CFAP45: variants seen among roughly 807,000 people sequenced by gnomAD.
CFAP45 encodes cilia and flagella associated protein 45, also known as cilia- and flagella-associated protein 45.
CFAP45 carries 43 observed loss-of-function variants against 75.6 expected under a neutral mutation model. The ratio of observed to expected loss-of-function variants is 0.57; its 90% confidence interval spans 0.45 to 0.73. CFAP45 has a LOEUF of 0.73. Among genes scored for constraint, CFAP45 ranks in the 30% least tolerant of loss-of-function variants. The pLI is 0.00. For synonymous variants in CFAP45, 223 were observed against 244.6 expected, an observed-to-expected ratio of 0.91 and a Z score of 0.82; for missense variants, 689 against 701.5, an observed-to-expected ratio of 0.98 and a Z score of 0.20.
At position 159,893,250 on chromosome 1, in the gene CFAP45, C is replaced by T. The variant is rs778554723; in HGVS notation, c.59G>A (p.Arg20Lys). The part of the protein sequence containing the change: ...SSSSAASNRS[R>K]NKARYRTKAV... ...TTTGGTCCGATAGCGAGCCTTATTCCTTGACCTGTTGGAAGCGGCAGAAGA... is the reference window on the plus strand; with the variant it reads ...TTTGGTCCGATAGCGAGCCTTATTCTTTGACCTGTTGGAAGCGGCAGAAGA... Residue 20 changes from arginine (R) to lysine (K), a missense_variant, in exon 2 of 12, where the codon AGG (arginine) becomes AAG (lysine). Coordinates refer to ENST00000368099, the MANE Select transcript of CFAP45 (RefSeq NM_012337.3). The T allele has an allele frequency of 4.6e-5, 75 of 1,613,880 alleles. No individual in the cohort carries two copies. The highest frequency in any genetic ancestry group is 6.0e-5 in the Non-Finnish European group (71 of 1,179,984).
Position 159,900,140 on chromosome 1 carries a change from C to T in CFAP45, c.-42G>A, listed in dbSNP as rs757777013. 3.7e-6 allele frequency: 6 copies of T among 1,613,908 alleles called. No homozygotes were observed. The African/African-American group carries it at 6.7e-5, about 18-fold the overall frequency. Reference sequence around the variant, plus strand: ...CCTGACTCCGGACTTCTGCTGCCGCCTCGGCGCCGCCAAGGCCCTAGTGTT... The same window carrying T: ...CCTGACTCCGGACTTCTGCTGCCGCTTCGGCGCCGCCAAGGCCCTAGTGTT... On this transcript the variant is annotated 5_prime_UTR_variant, in exon 1 of 12. Transcript: ENST00000368099.
At chr1:159,887,205 G>A (rs1481439401) in intron 5 of CFAP45, among the ~76,000 whole-genome samples, 2 of 152,086 alleles carry the variant, frequency 1.3e-5, no homozygotes, top group Non-Finnish European at 2.9e-5. Flanking sequence ...GAAAAACCAC[G>A]GGCCCATGAA....
intron 2 of CFAP45, among the ~76,000 whole-genome samples, chr1:159,892,961 CA>C (rs1649862349): frequency 6.6e-6 from 1 of 152,168 alleles, no homozygotes; most frequent in Non-Finnish European, 1.5e-5. Context: ...ACTGTGAAGA[CA>C]TGAGAGATTC....
chr1:159,894,532 G>A (rs866676434), intron 1 of CFAP45, among the ~76,000 whole-genome samples: 3 of 152,332 alleles, frequency 2.0e-5, no homozygotes, highest in South Asian at 2.1e-4. Context: ...GAGGCAGTGG[G>A]TGAATGATAA....
At chr1:159,899,808 C>T (rs916964277) in intron 1 of CFAP45, among the ~76,000 whole-genome samples, 3 of 152,178 alleles carry the variant, frequency 2.0e-5, no homozygotes, top group Admixed American at 6.5e-5. Flanking sequence ...ATCTTTGGTC[C>T]ACAGAGGCCC....
At chr1:159,879,431 A>G (rs1481823201) in intron 8 of CFAP45, among the ~76,000 whole-genome samples, 3 of 152,270 alleles carry the variant, frequency 2.0e-5, no homozygotes, top group African/African-American at 4.8e-5. Context: ...AGCATCCAGT[A>G]TATTTTGAAT....
chr1:159,884,441 G>T lies in CFAP45; in HGVS notation c.892C>A (p.Leu298Ile), dbSNP rs1054637350. The T allele has an allele frequency of 1.2e-6, 2 of 1,611,386 alleles. No homozygotes were observed. Among genetic ancestry groups the T allele is most frequent in the Non-Finnish European group, 1.7e-6 (2 of 1,178,758 alleles). The change falls in exon 7 of 12, where the codon CTA becomes ATA. Residue 298 changes from leucine (L) to isoleucine (I), a missense_variant. Leu to Ile is a conservative substitution (Grantham distance 5, BLOSUM62 2). Coordinates refer to ENST00000368099, the MANE Select transcript of CFAP45 (RefSeq NM_012337.3). ...TTGTCTGTCTGGCCTGTTACCTTTA[G>T]ATCTTCCTCTTGGAGCTGTTCCATA... is the stretch of plus-strand genomic sequence containing the variant. ...EYMEQLQEED[L>I]KDMERRQQQK...
At chr1:159,888,554 T>TG in intron 3 of CFAP45, 58 bp from the exon 4 acceptor site, 26 of 1,522,410 alleles carry the variant, frequency 1.7e-5, no homozygotes, top group Non-Finnish European at 1.9e-5. Flanking sequence ...AGCACCACAC[T>TG]TCAGGCTTCT....
At chr1:159,890,372 G>T in intron 3 of CFAP45, 108 bp downstream of exon 3, 2 of 976,388 alleles carry the variant, frequency 2.0e-6, no homozygotes, top group Non-Finnish European at 3.2e-6. Flanking sequence ...AAAGAAGTGG[G>T]GATTGGACTG....
chr1:159,895,568 G>A (rs1024864969), intron 1 of CFAP45, among the ~76,000 whole-genome samples: 5 of 152,186 alleles, frequency 3.3e-5, no homozygotes, highest in African/African-American at 9.7e-5. Context: ...CTCACTGCCC[G>A]GCACAGCCAG....
In CFAP45 at chr1:159,890,549, G is replaced by A. The variant is rs747825858; in HGVS notation, c.203C>T (p.Thr68Ile). The change falls in exon 3 of 12, where the codon ACT (threonine) becomes ATT (isoleucine). Residue 68 changes from threonine to isoleucine, a missense_variant. Physicochemically the swap from Thr to Ile is moderately conservative, Grantham distance 89. Coordinates refer to ENST00000368099, the MANE Select transcript of CFAP45 (RefSeq NM_012337.3). ...TGGCTTGCGATCCAAGCCCAAAGCA[G>A]TGAGAGTTTTTTGAAGGGTATGCTT... ...RDKHTLQKTL[T>I]ALGLDRKPET... 39 of 1,614,006 alleles carry A rather than the reference G, an allele frequency of 2.4e-5. 1 individual carries two copies. The South Asian group carries it at 3.3e-4, about 14-fold the overall frequency.
At chr1:159,883,383 C>A (rs6659439) in intron 7 of CFAP45, among the ~76,000 whole-genome samples, 114,105 of 152,032 alleles carry the variant, frequency 0.75, 42,904 homozygotes, top group East Asian at 0.83. Context: ...CCTTGATTAA[C>A]GTCTAGTTTG....
intron 7 of CFAP45, among the ~76,000 whole-genome samples, chr1:159,882,296 C>T (rs1169327008): frequency 6.6e-6 from 1 of 152,078 alleles, no homozygotes; most frequent in Non-Finnish European, 1.5e-5. Context: ...TTTAGGCCTG[C>T]TATTTGTATC....
rs879465977 is a variant in CFAP45, at chr1:159,883,637, T to A, written c.897+799A>T. Among the ~76,000 whole-genome samples, 1,029 of 148,328 alleles carry A rather than the reference T, an allele frequency of 6.9e-3. 11 individuals are homozygous for A. The highest frequency in any genetic ancestry group is 0.017 in the African/African-American group (706 of 40,522). ...TTTAACAATAAAATATATATATATA[T>A]ATATATATATATATATACACACACA... On this transcript the variant is annotated intron_variant, in intron 7 of 11. Transcript: ENST00000368099.
intron 7 of CFAP45, 118 bp downstream of exon 7, chr1:159,884,318 T>G: frequency 2.0e-6 from 2 of 1,005,356 alleles, no homozygotes; most frequent in Non-Finnish European, 2.9e-6. Context: ...ACGGTGATGA[T>G]GTTGTGAAAT....
At chr1:159,875,607 T>C (rs1466571199) in intron 10 of CFAP45, among the ~76,000 whole-genome samples, 2 of 152,266 alleles carry the variant, frequency 1.3e-5, no homozygotes, top group African/African-American at 4.8e-5. Flanking sequence ...AAGAAAGTGA[T>C]GCTATACTGT....
At chr1:159,874,283 A>T (rs1043697841) in intron 10 of CFAP45, among the ~76,000 whole-genome samples, 3 of 152,152 alleles carry the variant, frequency 2.0e-5, no homozygotes, top group African/African-American at 7.2e-5. Flanking sequence ...CCCCAACAAA[A>T]GGTACCTACA....
chr1:159,873,303 A>G, intron 10 of CFAP45, 135 bp from the exon 11 acceptor site: 1 of 682,602 alleles, frequency 1.5e-6, no homozygotes, highest in Non-Finnish European at 2.5e-6. Context: ...CTCCAGCCCC[A>G]TTTTGTAACT....
At chr1:159,876,873 C>G in intron 9 of CFAP45, 124 bp from the exon 10 acceptor site, 1 of 911,540 alleles carries the variant, frequency 1.1e-6, no homozygotes, top group Middle Eastern at 2.1e-4. Context: ...ATGAATTTCT[C>G]TGGCAGCTAG....
Sources: gnomAD v4.1 joint callset for allele counts (sites outside exome capture counted in the v4.1 genomes callset) on GRCh38, gnomAD v4.1.1 for gene constraint, MANE v1.5 for transcripts, NCBI Gene and HGNC (gene_info 2026-07-23, HGNC 2026-07-21) for gene names.